RIC1: variants seen among roughly 807,000 people sequenced by gnomAD.
RIC1 encodes guanine nucleotide exchange factor subunit RIC1.
A neutral mutation model predicts 169.0 loss-of-function variants in RIC1; 88 were observed. That is an observed-to-expected ratio of 0.52 (90% CI 0.44 to 0.62). The LOEUF is 0.62. RIC1 is among the 20% of genes least tolerant of loss of function. The pLI, the probability that RIC1 is intolerant of heterozygous loss-of-function variation, is 0.00. For missense variants in RIC1, 1,877 were observed against 1,725.5 expected (o/e 1.09, Z -1.56); for synonymous variants, 790 against 601.5 (o/e 1.31, Z -4.59).
At chr9:5,712,519 TG>T (rs1391671283) in intron 3 of RIC1, among the ~76,000 whole-genome samples, 3 of 152,158 alleles carry the variant, frequency 2.0e-5, no homozygotes, top group African/African-American at 7.2e-5. Context: ...CATCAAAAAG[TG>T]GGCAAAGGAT....
rs951245860 is a variant in RIC1 at position 5,770,059 on chromosome 9, ATT to A, written c.3425-23_3425-22del. ...GTGTGCATCTTCAATTTCTTCCTCC[ATT>A]TTTTGTTTTCGGACCCACTCTGCAG... On this transcript the variant is annotated intron_variant, in intron 22 of 25. Coordinates refer to ENST00000414202, the MANE Select transcript of RIC1 (RefSeq NM_020829.4). 1.9e-6 allele frequency: 3 copies of A among 1,569,812 alleles called. No homozygotes were observed. The African/African-American group carries it at 4.1e-5, about 21-fold the overall frequency.
At chr9:5,770,892 A>G (rs983034281) in intron 23 of RIC1, among the ~76,000 whole-genome samples, 9 of 152,174 alleles carry the variant, frequency 5.9e-5, no homozygotes, top group African/African-American at 2.4e-5. Context: ...TTTTGAAGCA[A>G]TTTGTGTTGG....
At chr9:5,696,535 G>C (rs947636372) in intron 3 of RIC1, among the ~76,000 whole-genome samples, 1 of 151,586 alleles carries the variant, frequency 6.6e-6, no homozygotes, top group Non-Finnish European at 1.5e-5. Context: ...TAACTGATCT[G>C]GCATGTGCAT....
chr9:5,673,583 C>T (rs939538867), intron 2 of RIC1, among the ~76,000 whole-genome samples: 1 of 123,002 alleles, frequency 8.1e-6, no homozygotes, highest in Admixed American at 8.2e-5. Context: ...GCAGCATTGT[C>T]TGTAGTTGCC....
Position 5,770,239 on chromosome 9 carries a change from C to G in RIC1, c.3577C>G (p.Gln1193Glu). ...EIDTASSHGPQMQDAFLSPLS... is the reference protein window; with the variant it reads ...EIDTASSHGPEMQDAFLSPLS... ...AGACACAGCTTCATCCCATGGACCA[C>G]AAATGCAAGATGCCTTCTTGTCACC... The change falls in exon 23 of 26, where the codon CAA becomes GAA. Residue 1193 changes from glutamine to glutamate, a missense_variant. Physicochemically the swap from Gln to Glu is conservative, Grantham distance 29. Coordinates refer to ENST00000414202, the MANE Select transcript of RIC1 (RefSeq NM_020829.4). 6.2e-7 allele frequency: 1 copy of G among 1,613,704 alleles called. No homozygotes were observed. The highest frequency in any genetic ancestry group is 8.5e-7 in the Non-Finnish European group (1 of 1,179,754).
Position 5,709,598 on chromosome 9 carries a change from C to T in RIC1, c.333-4298C>T, listed in dbSNP as rs964419812. Among the ~76,000 whole-genome samples, 6 of 152,158 alleles carry T rather than the reference C, an allele frequency of 3.9e-5. No individual in the cohort carries two copies. The East Asian group carries it at 7.7e-4, about 20-fold the overall frequency. ...ACATAGTAAATGCTCTATTCCTATT[C>T]TCCTGGCATTCAGTGCTTTCATAAT... On this transcript the variant is annotated intron_variant, in intron 3 of 25. Coordinates refer to ENST00000414202, the MANE Select transcript of RIC1 (RefSeq NM_020829.4).
chr9:5,629,512 C>T, intron 1 of RIC1, 59 bp downstream of exon 1: 2 of 1,486,974 alleles, frequency 1.3e-6, no homozygotes, highest in South Asian at 1.3e-5. Flanking sequence ...GGCGCCGTCC[C>T]ACCCCCAACT....
chr9:5,718,347 G>A (rs767828502), intron 4 of RIC1, among the ~76,000 whole-genome samples: 10 of 152,052 alleles, frequency 6.6e-5, no homozygotes, highest in Non-Finnish European at 1.5e-4. Flanking sequence ...TTAAGACAAT[G>A]TGATAGCCAT....
At chr9:5,750,081 C>G (rs1271863202) in intron 12 of RIC1, among the ~76,000 whole-genome samples, 1 of 149,788 alleles carries the variant, frequency 6.7e-6, no homozygotes, top group East Asian at 1.9e-4. Flanking sequence ...CCAGCCAAAG[C>G]AAGCACCAGC....
intron 1 of RIC1, among the ~76,000 whole-genome samples, chr9:5,648,306 G>T (rs905800583): frequency 2.6e-5 from 4 of 151,928 alleles, no homozygotes; most frequent in Non-Finnish European, 5.9e-5. Flanking sequence ...TTTATATATG[G>T]CCTTTTTATT....
At chr9:5,770,691 TAA>T (rs1428640414) in intron 23 of RIC1, among the ~76,000 whole-genome samples, 1 of 152,218 alleles carries the variant, frequency 6.6e-6, no homozygotes, top group Non-Finnish European at 1.5e-5. Context: ...TGTGAGGAGG[TAA>T]TGTTTTTTAT....
chr9:5,693,909 TAA>T (rs3839888), intron 3 of RIC1, among the ~76,000 whole-genome samples: 43 of 146,706 alleles, frequency 2.9e-4, no homozygotes, highest in African/African-American at 6.2e-4. Context: ...TGAGTTTCTT[TAA>T]AAAAAAAAAA....
intron 2 of RIC1, among the ~76,000 whole-genome samples, chr9:5,683,671 G>T (rs1000423373): frequency 6.6e-6 from 1 of 152,206 alleles, no homozygotes; most frequent in Non-Finnish European, 1.5e-5. Context: ...CCTCTTCAAA[G>T]CTGTCAGACA....
intron 17 of RIC1, among the ~76,000 whole-genome samples, chr9:5,758,390 C>T (rs1184150843): frequency 6.6e-6 from 1 of 152,186 alleles, no homozygotes; most frequent in Non-Finnish European, 1.5e-5. Context: ...TATCGAGGCA[C>T]TTCGATCAAA....
chr9:5,772,252 T>A (rs1827273275), intron 23 of RIC1, among the ~76,000 whole-genome samples: 1 of 152,200 alleles, frequency 6.6e-6, no homozygotes, highest in Non-Finnish European at 1.5e-5. Context: ...GTTTAACAGT[T>A]TCCTCTATTT....
At chr9:5,772,826 A>G in intron 24 of RIC1, 66 bp from the exon 25 acceptor site, 3 of 1,551,878 alleles carry the variant, frequency 1.9e-6, no homozygotes, top group Non-Finnish European at 1.8e-6. Flanking sequence ...CCTAATAATC[A>G]TTGCACTTCT....
rs765700538 is a variant in RIC1 at position 5,746,063 on chromosome 9, C to T, written c.1228C>T (p.Leu410Phe). 2.5e-6 allele frequency: 4 copies of T among 1,613,438 alleles called. No homozygotes were observed. The highest frequency in any genetic ancestry group is 3.4e-6 in the Non-Finnish European group (4 of 1,179,486). ...GTTATTTCAGTTTATTAAGAGTGTACTCACTGTAAACCCTTGTATGGTAAG... is the reference window on the plus strand; with the variant it reads ...GTTATTTCAGTTTATTAAGAGTGTATTCACTGTAAACCCTTGTATGGTAAG... Reference protein sequence around the residue: ...ILLFQFIKSVLTVNPCMSNQE... With the variant: ...ILLFQFIKSVFTVNPCMSNQE... The change falls in exon 11 of 26, where the codon CTC (leucine) becomes TTC (phenylalanine). Residue 410 changes from leucine to phenylalanine, a missense_variant. By Grantham distance (22) the Leu-to-Phe change is conservative. Around this residue, in one of 3 missense-constraint regions of RIC1, gnomAD observed 1,104 missense variants for 992.0 expected, o/e 1.11. Transcript: ENST00000414202.
At chr9:5,766,203 G>A (rs375770522) in intron 21 of RIC1, among the ~76,000 whole-genome samples, 3 of 152,024 alleles carry the variant, frequency 2.0e-5, no homozygotes, top group Admixed American at 6.6e-5. Flanking sequence ...CACCACACTC[G>A]GCTAATTTTC....
chr9:5,693,788 T>G (rs1424174306), intron 3 of RIC1, among the ~76,000 whole-genome samples: 13 of 152,144 alleles, frequency 8.5e-5, no homozygotes, highest in Admixed American at 6.5e-5. Context: ...TAAACAAATA[T>G]GTCATCATCA....
Sources: gnomAD v4.1 joint callset for allele counts (sites outside exome capture counted in the v4.1 genomes callset) on GRCh38, gnomAD v4.1.1 for gene constraint, gnomAD v4.1.1 regional missense constraint, MANE v1.5 for transcripts, NCBI Gene and HGNC (gene_info 2026-07-23, HGNC 2026-07-21) for gene names.